Variants in PHKB observed in about 807,000 individuals in gnomAD.
PHKB encodes the protein phosphorylase b kinase regulatory subunit beta.
Under a neutral mutation model 152.1 loss-of-function variants are expected in PHKB, and 122 were observed. The ratio of observed to expected loss-of-function variants is 0.80; its 90% CI spans 0.69 to 0.93. PHKB has a LOEUF of 0.93. Among genes scored for constraint, PHKB ranks in the 40% least tolerant of loss-of-function variants. The pLI is 0.00. For missense variants in PHKB, 1,304 were observed against 1,328.4 expected, an observed-to-expected ratio of 0.98 and a Z score of 0.29; for synonymous variants, 436 against 464.9, an observed-to-expected ratio of 0.94 and a Z score of 0.80.
At chr16:47,485,928 G>A (rs968768133) in intron 1 of PHKB, among the ~76,000 whole-genome samples, 6 of 151,112 alleles carry the variant, frequency 4.0e-5, no homozygotes, top group African/African-American at 1.2e-4. Flanking sequence ...GTCCCTCACC[G>A]CTTTCTGTTG....
intron 14 of PHKB, among the ~76,000 whole-genome samples, chr16:47,629,268 T>C (rs1972774972): frequency 6.6e-6 from 1 of 152,068 alleles, no homozygotes; most frequent in Non-Finnish European, 1.5e-5. Context: ...TTTCACAACC[T>C]ACTCATCTGA....
intron 6 of PHKB, 64 bp downstream of exon 6, chr16:47,515,665 A>G (rs1426051250): frequency 1.3e-6 from 1 of 755,936 alleles, no homozygotes; most frequent in Non-Finnish European, 2.4e-6. Flanking sequence ...TTTTTTTTTT[A>G]GTTTTCACAA....
intron 7 of PHKB, among the ~76,000 whole-genome samples, chr16:47,576,441 G>A (rs1475597975): frequency 1.3e-5 from 2 of 152,154 alleles, no homozygotes; most frequent in African/African-American, 4.8e-5. Flanking sequence ...ACATATTGCT[G>A]AATATTGTTT....
chr16:47,673,232 TC>T (rs1318080182), intron 26 of PHKB, among the ~76,000 whole-genome samples: 8 of 152,082 alleles, frequency 5.3e-5, no homozygotes, highest in Non-Finnish European at 7.4e-5. Flanking sequence ...ACAGTCTCTT[TC>T]ATCAGAGATA....
rs889928704 is a variant in PHKB, at chr16:47,699,248, A to G, written c.3164A>G (p.Tyr1055Cys). The G allele has an allele frequency of 1.9e-6, 3 of 1,613,954 alleles. No homozygotes were observed. The highest frequency in any genetic ancestry group is 3.3e-5 in the Admixed American group (2 of 60,028). Reference sequence around the variant, plus strand: ...TTGTAGGATGACATGACTTCCTTTTACAACACTCCTCCCCTGGGAAAAAGA... The same window carrying G: ...TTGTAGGATGACATGACTTCCTTTTGCAACACTCCTCCCCTGGGAAAAAGA... ...IEKQDDMTSF[Y>C]NTPPLGKRGT... is the part of the protein sequence containing the mutation. Residue 1055 changes from tyrosine to cysteine, a missense_variant, in exon 31 of 31, where the codon TAC (tyrosine) becomes TGC (cysteine). By Grantham distance (194) the Tyr-to-Cys change is radical. Coordinates refer to ENST00000323584, the MANE Select transcript of PHKB (RefSeq NM_000293.3).
Position 47,502,995 on chromosome 16 carries a change from A to G in PHKB, c.310A>G (p.Ile104Val). The G allele has an allele frequency of 6.2e-7, 1 of 1,609,414 alleles. No individual in the cohort carries two copies. Among genetic ancestry groups the G allele is most frequent in the South Asian group, 1.1e-5 (1 of 90,968 alleles). Reference protein sequence around the residue: ...AWALALAYRRIDDDKGRTHEL... With the variant: ...AWALALAYRRVDDDKGRTHEL... ...TGAGTTATCTCTCTCACCCAGGCGA[A>G]TTGATGATGACAAGGGAAGGACCCA... The change falls in exon 4 of 31, where the codon ATT becomes GTT. Residue 104 changes from isoleucine to valine, a missense_variant. Physicochemically the swap from Ile to Val is conservative, Grantham distance 29. Transcript: ENST00000323584.
rs1445732246 is a variant in PHKB, at chr16:47,660,723, C to T, written c.2100C>T (p.Ser700=). ...AACATTCAAAAGTCAAACGGCAAAG[C>T]AGCACCCCTAGTGCTCCTGAACTGG... The part of the protein sequence containing the change: ...PPKHSKVKRQ[S]STPSAPELGQ... Residue 700 remains serine, a synonymous_variant, in exon 22 of 31, where the codon AGC becomes AGT. Coordinates refer to ENST00000323584, the MANE Select transcript of PHKB (RefSeq NM_000293.3). 1.9e-6 allele frequency: 3 copies of T among 1,613,760 alleles called. No individual in the cohort carries two copies. The highest frequency in any genetic ancestry group is 2.5e-6 in the Non-Finnish European group (3 of 1,179,772).
chr16:47,529,745 G>A (rs1359516577), intron 6 of PHKB: 1 of 152,186 alleles, frequency 6.6e-6, no homozygotes, highest in Non-Finnish European at 1.5e-5. Context: ...TCCTGCTGCT[G>A]TGGAGCCTTA....
Position 47,699,620 on chromosome 16 carries a change from A to C in PHKB, c.*254A>C, listed in dbSNP as rs960377508. On this transcript the variant is annotated 3_prime_UTR_variant, in exon 31 of 31. Coordinates refer to ENST00000323584, the MANE Select transcript of PHKB (RefSeq NM_000293.3). Reference sequence around the variant, plus strand: ...ATAGTAATCCTCACTGAGTGATAAAAATAGTTTATGAATTGAAAATTTGCC... The same window carrying C: ...ATAGTAATCCTCACTGAGTGATAAACATAGTTTATGAATTGAAAATTTGCC... The C allele has an allele frequency of 5.8e-6, 3 of 512,850 alleles. No individual in the cohort carries two copies. The highest frequency in any genetic ancestry group is 3.8e-5 in the African/African-American group (2 of 52,084). The allele number at this position is 512,850 out of a possible 1,614,324, so 31.8% of individuals were successfully genotyped here.
intron 14 of PHKB, among the ~76,000 whole-genome samples, chr16:47,614,385 G>C (rs1037747197): frequency 9.2e-5 from 14 of 152,166 alleles, no homozygotes; most frequent in African/African-American, 3.4e-4. Context: ...TCTTTTTATT[G>C]CTGAGTTGTA....
intron 6 of PHKB, among the ~76,000 whole-genome samples, chr16:47,545,023 C>G (rs1006675736): frequency 6.6e-6 from 1 of 152,184 alleles, no homozygotes; most frequent in African/African-American, 2.4e-5. Flanking sequence ...GTACAGCATA[C>G]TGATGAGTCT....
intron 6 of PHKB, among the ~76,000 whole-genome samples, chr16:47,519,474 G>T (rs1970650428): frequency 6.6e-6 from 1 of 152,184 alleles, no homozygotes; most frequent in Non-Finnish European, 1.5e-5. Flanking sequence ...ACTGAGACTG[G>T]AAGACCCACT....
At chr16:47,545,742 TTG>T (rs1273732374) in intron 6 of PHKB, among the ~76,000 whole-genome samples, 1 of 152,218 alleles carries the variant, frequency 6.6e-6, no homozygotes, top group Non-Finnish European at 1.5e-5. Context: ...AAACGTAGAT[TTG>T]GTCTTTTCAC....
intron 26 of PHKB, among the ~76,000 whole-genome samples, chr16:47,681,065 T>A (rs944811321): frequency 3.9e-5 from 6 of 152,200 alleles, no homozygotes; most frequent in Non-Finnish European, 7.3e-5. Context: ...TCAGTTTCCA[T>A]GTAGTTGAGC....
rs1597106471 is a variant in PHKB at position 47,589,097 on chromosome 16, A to G, written c.1063A>G (p.Ile355Val). Residue 355 changes from isoleucine (I) to valine (V), a missense_variant, in exon 10 of 31, where the codon ATT becomes GTT. Ile to Val is a conservative substitution (Grantham distance 29). Coordinates refer to ENST00000323584, the MANE Select transcript of PHKB (RefSeq NM_000293.3). Reference protein sequence around the residue: ...PNRCYYKPAEIKLFDGIECEF... With the variant: ...PNRCYYKPAEVKLFDGIECEF... ...CAGATGCTACTACAAGCCAGCTGAA[A>G]TTAAGGTATTAAAAAATATTCCATG... The G allele has an allele frequency of 6.2e-7, 1 of 1,606,746 alleles. No individual in the cohort carries two copies. Among genetic ancestry groups the G allele is most frequent in the Middle Eastern group, 1.7e-4 (1 of 6,014 alleles).
intron 1 of PHKB, among the ~76,000 whole-genome samples, chr16:47,472,736 C>T (rs1423589479): frequency 6.6e-6 from 1 of 151,808 alleles, no homozygotes; most frequent in Non-Finnish European, 1.5e-5. Flanking sequence ...GAGCCGAGAT[C>T]GTGCCACTGC....
intron 14 of PHKB, among the ~76,000 whole-genome samples, chr16:47,627,560 T>A (rs947158578): frequency 1.2e-4 from 18 of 152,224 alleles, no homozygotes; most frequent in Non-Finnish European, 2.9e-5. Flanking sequence ...GTGTTTGAGG[T>A]CTGGGAATAC....
At chr16:47,691,754 T>C (rs1162041187) in intron 27 of PHKB, among the ~76,000 whole-genome samples, 1 of 151,716 alleles carries the variant, frequency 6.6e-6, no homozygotes. Context: ...ATACAGGAAC[T>C]TTATGGTTTA....
rs555525199 is a variant in PHKB at position 47,494,303 on chromosome 16, T to C, written c.77-3096T>C. On this transcript the variant is annotated intron_variant, in intron 1 of 30. Transcript: ENST00000323584. ...TAGAAGCTGCCCTGAATATATCTTC[T>C]GATTAGCATCAGTTACAGGTGGATT... 8.7e-4 allele frequency among the ~76,000 whole-genome samples: 133 copies of C among 152,368 alleles called. 2 individuals carry two copies. In the Middle Eastern group the frequency reaches 0.024, roughly 27 times the overall value.
Sources: gnomAD v4.1 joint callset for allele counts (sites outside exome capture counted in the v4.1 genomes callset) on GRCh38, gnomAD v4.1.1 for gene constraint, MANE v1.5 for transcripts, NCBI Gene and HGNC (gene_info 2026-07-23, HGNC 2026-07-21) for gene names.